CEP85L: variants seen among roughly 807,000 people sequenced by gnomAD.
The protein encoded by CEP85L is centrosomal protein of 85 kDa-like.
A neutral mutation model predicts 100.3 loss-of-function variants in CEP85L; 60 were observed. The observed-to-expected ratio is 0.60, with a 90% CI of 0.49 to 0.74. The LOEUF (loss-of-function observed/expected upper bound fraction) is 0.74, where lower values mean the gene tolerates loss of function less well. Among genes scored for constraint, CEP85L ranks in the 30% least tolerant of loss-of-function variants. CEP85L has a pLI of 0.00. For synonymous variants in CEP85L, 319 were observed against 322.7 expected (o/e 0.99, Z 0.12); for missense variants, 973 against 936.2 (o/e 1.04, Z -0.51).
chr6:118,618,767 T>G (rs1422161397), intron 2 of CEP85L, among the ~76,000 whole-genome samples: 1 of 152,178 alleles, frequency 6.6e-6, no homozygotes, highest in East Asian at 1.9e-4. Flanking sequence ...CCATCCCCTT[T>G]GAGCTTACTA....
chr6:118,664,176 T>C (rs936044613), intron 1 of CEP85L, among the ~76,000 whole-genome samples: 1 of 152,142 alleles, frequency 6.6e-6, no homozygotes, highest in Non-Finnish European at 1.5e-5. Flanking sequence ...GATCATGGTA[T>C]AAGCCACTGC....
At chr6:118,581,601 C>T (rs1383186003) in intron 2 of CEP85L, among the ~76,000 whole-genome samples, 3 of 151,990 alleles carry the variant, frequency 2.0e-5, no homozygotes, top group East Asian at 1.9e-4. Flanking sequence ...AACTGGGTGC[C>T]GGGACCCAGG....
intron 2 of CEP85L, among the ~76,000 whole-genome samples, chr6:118,593,037 T>C (rs1275734747): frequency 6.6e-6 from 1 of 152,140 alleles, no homozygotes; most frequent in Non-Finnish European, 1.5e-5. Context: ...AAAGAAACCA[T>C]TCAGCAAAGT....
chr6:118,692,734 G>A (rs1421252442), intron 1 of CEP85L, among the ~76,000 whole-genome samples: 2 of 152,196 alleles, frequency 1.3e-5, no homozygotes, highest in African/African-American at 2.4e-5. Flanking sequence ...AGAGATGGCA[G>A]TGAGCTAGTT....
At chr6:118,598,313 C>T (rs981664032) in intron 2 of CEP85L, among the ~76,000 whole-genome samples, 5 of 152,150 alleles carry the variant, frequency 3.3e-5, no homozygotes, top group African/African-American at 1.2e-4. Flanking sequence ...TTCTGTTTAA[C>T]CACGTAGTGT....
chr6:118,578,661 G>A (rs542405637), intron 2 of CEP85L, among the ~76,000 whole-genome samples: 4 of 152,184 alleles, frequency 2.6e-5, no homozygotes, highest in East Asian at 1.9e-4. Flanking sequence ...CCCAGGAGGC[G>A]GACGTTGCCA....
intron 2 of CEP85L, among the ~76,000 whole-genome samples, chr6:118,629,425 T>C (rs751086530): frequency 1.3e-5 from 2 of 152,194 alleles, no homozygotes; most frequent in Non-Finnish European, 2.9e-5. Flanking sequence ...AACAAGCATA[T>C]GAAAAGGTGT....
intron 2 of CEP85L, among the ~76,000 whole-genome samples, chr6:118,613,695 T>TGTG: frequency 7.0e-6 from 1 of 142,758 alleles, no homozygotes; most frequent in Non-Finnish European, 1.5e-5. Context: ...AGTTGGAGGT[T>TGTG]GTGGTGACCC....
chr6:118,705,358 T>C (rs1777562227), intron 1 of CEP85L, among the ~76,000 whole-genome samples: 1 of 152,214 alleles, frequency 6.6e-6, no homozygotes, highest in Non-Finnish European at 1.5e-5. Flanking sequence ...AAATATCTTT[T>C]TGGGCTTGGA....
At chr6:118,583,934 T>C (rs1305469126) in intron 2 of CEP85L, among the ~76,000 whole-genome samples, 2 of 152,218 alleles carry the variant, frequency 1.3e-5, no homozygotes, top group African/African-American at 4.8e-5. Context: ...CAGTCCTAGA[T>C]TTAAAGGATG....
At chr6:118,481,382 C>T (rs1773770571) in intron 8 of CEP85L, among the ~76,000 whole-genome samples, 1 of 151,906 alleles carries the variant, frequency 6.6e-6, no homozygotes, top group Non-Finnish European at 1.5e-5. Context: ...TAAATTATAA[C>T]TGAGATAACC....
rs115989897 is a variant in CEP85L at position 118,490,033 on chromosome 6, T to C, written c.1437+1653A>G. The stretch of plus-strand genomic sequence containing the variant: ...CACAAAATGGAATATTATTCAAACT[T>C]TGAAAAGAGAAATCCCATCATTTGT... On this transcript the variant is annotated intron_variant, in intron 6 of 12. Coordinates refer to ENST00000368491, the MANE Select transcript of CEP85L (RefSeq NM_001042475.3). 3.3e-3 allele frequency among the ~76,000 whole-genome samples: 499 copies of C among 151,910 alleles called. 3 individuals carry two copies. The highest frequency in any genetic ancestry group is 0.012 in the African/African-American group (485 of 41,422).
intron 1 of CEP85L, among the ~76,000 whole-genome samples, chr6:118,640,815 C>T (rs1158943795): frequency 6.6e-6 from 1 of 152,156 alleles, no homozygotes; most frequent in East Asian, 1.9e-4. Flanking sequence ...AGGCGTGAGC[C>T]ACTGCACCTG....
At chr6:118,530,810 A>C (rs1176783752) in intron 3 of CEP85L, among the ~76,000 whole-genome samples, 2 of 152,014 alleles carry the variant, frequency 1.3e-5, no homozygotes, top group Non-Finnish European at 2.9e-5. Context: ...GAAGTAAAAG[A>C]GCTCTACAAC....
intron 4 of CEP85L, among the ~76,000 whole-genome samples, chr6:118,523,458 A>G (rs940676015): frequency 2.6e-5 from 4 of 152,230 alleles, no homozygotes; most frequent in African/African-American, 9.6e-5. Context: ...TTCCAACTGG[A>G]TAGTTCTCAA....
chr6:118,567,243 GTGTGTGTATATA>G (rs1345030153), intron 2 of CEP85L, among the ~76,000 whole-genome samples: 25 of 31,366 alleles, frequency 8.0e-4, no homozygotes, highest in Middle Eastern at 0.016. Flanking sequence ...GTGTGTGTGT[GTGTGTGTATATA>G]TATATATATA....
chr6:118,632,116 A>G (rs1774203084), intron 2 of CEP85L, among the ~76,000 whole-genome samples: 1 of 150,934 alleles, frequency 6.6e-6, no homozygotes, highest in African/African-American at 2.4e-5. Flanking sequence ...CAGCCTCTCA[A>G]GTAGCTGGGA....
intron 1 of CEP85L, among the ~76,000 whole-genome samples, chr6:118,677,281 C>G (rs1485008875): frequency 6.6e-6 from 1 of 152,138 alleles, no homozygotes; most frequent in Non-Finnish European, 1.5e-5. Context: ...GAAAGCTAGA[C>G]AGCAGAAGAT....
intron 1 of CEP85L, among the ~76,000 whole-genome samples, chr6:118,637,199 G>C (rs1359722488): frequency 6.6e-6 from 1 of 152,118 alleles, no homozygotes; most frequent in Non-Finnish European, 1.5e-5. Context: ...AATGGTCTAA[G>C]ACATGCTATC....
Sources: gnomAD v4.1 joint callset for allele counts (sites outside exome capture counted in the v4.1 genomes callset) on GRCh38, gnomAD v4.1.1 for gene constraint, MANE v1.5 for transcripts, NCBI Gene and HGNC (gene_info 2026-07-23, HGNC 2026-07-21) for gene names.